The following AKAP13 variants were observed in gnomAD, a reference collection of about 807,000 sequenced individuals.
AKAP13 encodes the protein A-kinase anchoring protein 13, also known as A-kinase anchor protein 13.
In AKAP13, 80 loss-of-function variants were observed where a neutral mutation model predicts 264.5. The ratio of observed to expected loss-of-function variants is 0.30; its 90% CI spans 0.25 to 0.36. The LOEUF (loss-of-function observed/expected upper bound fraction) is 0.36. Ranked by LOEUF, AKAP13 falls within the 10% of genes least tolerant of loss-of-function variation. The pLI is 1.00. For synonymous variants in AKAP13, 1,380 were observed against 1,250.2 expected (o/e 1.10, Z -2.19); for missense variants, 3,712 against 3,435.2 (o/e 1.08, Z -2.01).
chr15:85,686,967 C>A (rs962455239), intron 16 of AKAP13, among the ~76,000 whole-genome samples: 1 of 152,114 alleles, frequency 6.6e-6, no homozygotes, highest in Non-Finnish European at 1.5e-5. Context: ...ACAAGCTTTT[C>A]GTGGAAGACC....
chr15:85,721,959 A>AT, intron 23 of AKAP13, 32 bp from the exon 24 acceptor site: 3 of 1,612,018 alleles, frequency 1.9e-6, no homozygotes, highest in Non-Finnish European at 2.5e-6. Flanking sequence ...TTGGCGCCCC[A>AT]TGGCATAACT....
At chr15:85,571,361 A>G (rs1213749088) in intron 5 of AKAP13, among the ~76,000 whole-genome samples, 1 of 152,158 alleles carries the variant, frequency 6.6e-6, no homozygotes, top group Non-Finnish European at 1.5e-5. Context: ...ATGGCTACAT[A>G]ATAGTCTATA....
chr15:85,677,446 A>G (rs1311835275), intron 14 of AKAP13, among the ~76,000 whole-genome samples: 2 of 152,130 alleles, frequency 1.3e-5, no homozygotes, highest in East Asian at 3.9e-4. Context: ...TTTATTTGAC[A>G]ATGTAAATTT....
chr15:85,716,840 TCA>T (rs1160273424), intron 20 of AKAP13, among the ~76,000 whole-genome samples: 1 of 152,248 alleles, frequency 6.6e-6, no homozygotes, highest in Non-Finnish European at 1.5e-5. Flanking sequence ...TTGTGTCTAC[TCA>T]CACATCAATT....
chr15:85,617,667 A>G (rs1041552317), intron 8 of AKAP13, among the ~76,000 whole-genome samples: 5 of 152,234 alleles, frequency 3.3e-5, no homozygotes, highest in Non-Finnish European at 7.3e-5. Flanking sequence ...GGAACAAACC[A>G]TATTGAGGAC....
intron 1 of AKAP13, among the ~76,000 whole-genome samples, chr15:85,440,832 C>T (rs1222885283): frequency 1.3e-5 from 2 of 152,034 alleles, no homozygotes; most frequent in Non-Finnish European, 2.9e-5. Flanking sequence ...ATTTAGAAGC[C>T]AAGGATTAAT....
intron 8 of AKAP13, among the ~76,000 whole-genome samples, chr15:85,589,593 TAAA>T (rs71468122): frequency 5.7e-5 from 7 of 122,446 alleles, no homozygotes; most frequent in Admixed American, 1.7e-4. Flanking sequence ...TTGTCTCCAC[TAAA>T]AAAAAAAAAA....
At chr15:85,597,366 C>T (rs74025629) in intron 8 of AKAP13, among the ~76,000 whole-genome samples, 2,573 of 152,212 alleles carry the variant, frequency 0.017, 75 homozygotes, top group African/African-American at 0.059. Flanking sequence ...GAAGTAAGCT[C>T]CTCAGTGTCA....
chr15:85,572,649 A>C (rs1279068397), intron 5 of AKAP13, among the ~76,000 whole-genome samples: 1 of 151,948 alleles, frequency 6.6e-6, no homozygotes, highest in South Asian at 2.1e-4. Flanking sequence ...TACGTTTTCC[A>C]CTGTAGCATT....
At chr15:85,401,166 A>G (rs565647618) in intron 1 of AKAP13, among the ~76,000 whole-genome samples, 8 of 152,248 alleles carry the variant, frequency 5.3e-5, no homozygotes, top group African/African-American at 1.9e-4. Flanking sequence ...CCGGCATATT[A>G]TATCACTAGA....
chr15:85,620,224 G>A (rs1021405621), intron 8 of AKAP13: 44 of 1,512,520 alleles, frequency 2.9e-5, no homozygotes, highest in South Asian at 7.2e-5. Flanking sequence ...CTGTTTTAGC[G>A]CTTTGAACCC....
intron 19 of AKAP13, among the ~76,000 whole-genome samples, chr15:85,715,476 G>C (rs2086877403): frequency 6.6e-6 from 1 of 151,996 alleles, no homozygotes; most frequent in South Asian, 2.1e-4. Context: ...AAGAATATAG[G>C]CATTTACAAT....
chr15:85,629,748 T>C (rs1022223848), intron 8 of AKAP13, among the ~76,000 whole-genome samples: 4 of 146,116 alleles, frequency 2.7e-5, no homozygotes, highest in African/African-American at 1.0e-4. Flanking sequence ...AGAAATATAA[T>C]GAGTTCCTTT....
At chr15:85,716,621 A>G (rs969716267) in intron 20 of AKAP13, among the ~76,000 whole-genome samples, 2 of 152,202 alleles carry the variant, frequency 1.3e-5, no homozygotes, top group Non-Finnish European at 2.9e-5. Flanking sequence ...AAGGATGCAA[A>G]AGTCTCCTTT....
chr15:85,482,077 G>C (rs762170851), intron 1 of AKAP13, among the ~76,000 whole-genome samples: 22 of 152,190 alleles, frequency 1.4e-4, no homozygotes, highest in African/African-American at 5.1e-4. Context: ...TTAGAACTCA[G>C]TTCTTAAGTA....
chr15:85,508,306 C>A (rs984296863), intron 2 of AKAP13, among the ~76,000 whole-genome samples: 1 of 151,936 alleles, frequency 6.6e-6, no homozygotes, highest in African/African-American at 2.4e-5. Flanking sequence ...CCGTGTCTGG[C>A]TAATTTTTGT....
In AKAP13 at chr15:85,740,967, G is replaced by A; in HGVS notation, c.7609-79G>A. 2.0e-6 allele frequency: 3 copies of A among 1,521,220 alleles called. No individual in the cohort carries two copies. The South Asian group carries it at 4.0e-5, about 20-fold the overall frequency. The allele number at this position is 1,521,220 out of a possible 1,614,324, so 94.2% of individuals were successfully genotyped here. A position where few individuals can be genotyped will look rare whatever the true frequency, so the allele number is the denominator to read the frequency against. On this transcript the variant is annotated intron_variant, in intron 34 of 36. Transcript: ENST00000394518. ...TCCGTCATAGTGCCTGGTGCCCCCT[G>A]CTGTGGGGTCGGGAGGGATCCAGAA...
At chr15:85,391,172 T>C (rs2070836555) in intron 1 of AKAP13, among the ~76,000 whole-genome samples, 1 of 152,236 alleles carries the variant, frequency 6.6e-6, no homozygotes, top group African/African-American at 2.4e-5. Flanking sequence ...TGAAGGAAGA[T>C]GGTAGTGACC....
intron 23 of AKAP13, among the ~76,000 whole-genome samples, chr15:85,720,467 G>A (rs1479394815): frequency 6.6e-6 from 1 of 152,126 alleles, no homozygotes; most frequent in Non-Finnish European, 1.5e-5. Flanking sequence ...AAAAAATTCA[G>A]CTAAAATTAC....
Sources: gnomAD v4.1 joint callset for allele counts (sites outside exome capture counted in the v4.1 genomes callset) on GRCh38, gnomAD v4.1.1 for gene constraint, MANE v1.5 for transcripts, NCBI Gene and HGNC (gene_info 2026-07-23, HGNC 2026-07-21) for gene names.